MYO5B: variants seen among roughly 807,000 people sequenced by gnomAD.
MYO5B encodes unconventional myosin-Vb.
A neutral mutation model predicts 229.3 loss-of-function variants in MYO5B; 143 were observed. That is an observed-to-expected ratio of 0.62 (90% CI 0.54 to 0.72). MYO5B has a LOEUF of 0.72. Among genes scored for constraint, MYO5B ranks in the 30% least tolerant of loss-of-function variants. The pLI is 0.00. For missense variants in MYO5B, 2,321 were observed against 2,331.0 expected, an observed-to-expected ratio of 1.00 and a Z score of 0.09; for synonymous variants, 918 against 885.2, an observed-to-expected ratio of 1.04 and a Z score of -0.66.
At chr18:49,910,547 C>A in intron 18 of MYO5B, among the ~76,000 whole-genome samples, 1 of 151,730 alleles carries the variant, frequency 6.6e-6, no homozygotes, top group Non-Finnish European at 1.5e-5. Context: ...ATTAACCAGC[C>A]TGTTACCCCC....
At chr18:49,865,702 C>T (rs1422799109) in intron 27 of MYO5B, among the ~76,000 whole-genome samples, 1 of 152,172 alleles carries the variant, frequency 6.6e-6, no homozygotes, top group Non-Finnish European at 1.5e-5. Flanking sequence ...TGTGACAGGC[C>T]AGAACTGAGC....
rs1283958654 is a variant in MYO5B at position 49,853,566 on chromosome 18, CAGGGCCTCG to C, written c.4095_4103del (p.Glu1366_Leu1368del). On this transcript the variant is annotated inframe_deletion, in exon 31 of 40. Transcript: ENST00000285039. ...GCTGCTGTTTGTCCATCTCCTCCTT[CAGGGCCTCG>C]AGCTGAGCCTTGAGATGCTCCACCT... The C allele has an allele frequency of 6.2e-7, 1 of 1,614,196 alleles. No individual in the cohort carries two copies. Among genetic ancestry groups the C allele is most frequent in the Admixed American group, 1.7e-5 (1 of 60,038 alleles).
Position 49,902,499 on chromosome 18 carries a change from C to T in MYO5B, c.2811+95G>A, listed in dbSNP as rs1038677666. 5.5e-5 allele frequency: 86 copies of T among 1,556,132 alleles called. 1 individual carries two copies. The Middle Eastern group carries it at 6.8e-4, about 12-fold the overall frequency. Reference sequence around the variant, plus strand: ...GGACGTCTGTGCTCCCTCGGGTCTTCGGCATGTGCAGTTCCTCAAGGAAGC... The same window carrying T: ...GGACGTCTGTGCTCCCTCGGGTCTTTGGCATGTGCAGTTCCTCAAGGAAGC... On this transcript the variant is annotated intron_variant, in intron 21 of 39. Coordinates refer to ENST00000285039, the MANE Select transcript of MYO5B (RefSeq NM_001080467.3).
At chr18:49,977,736 C>A (rs977925296) in intron 9 of MYO5B, among the ~76,000 whole-genome samples, 3 of 152,160 alleles carry the variant, frequency 2.0e-5, no homozygotes, top group African/African-American at 7.2e-5. Flanking sequence ...CTTATTTTTT[C>A]CTCCCCTGTA....
At chr18:49,851,299 G>A (rs2024198044) in intron 31 of MYO5B, among the ~76,000 whole-genome samples, 1 of 152,100 alleles carries the variant, frequency 6.6e-6, no homozygotes, top group African/African-American at 2.4e-5. Context: ...CACTAACGGT[G>A]GCTTTGTGCT....
At chr18:49,894,881 G>T (rs910390156) in intron 22 of MYO5B, 60 bp downstream of exon 22, 2 of 1,438,780 alleles carry the variant, frequency 1.4e-6, no homozygotes, top group Non-Finnish European at 1.9e-6. Flanking sequence ...TCTCTGAGAG[G>T]TGGCTCCGTG....
intron 1 of MYO5B, among the ~76,000 whole-genome samples, chr18:50,112,864 A>G (rs898802761): frequency 3.3e-5 from 5 of 152,234 alleles, no homozygotes; most frequent in Non-Finnish European, 4.4e-5. Flanking sequence ...ACAGCAACGT[A>G]TTTTAAAAAA....
At chr18:50,080,568 G>A in intron 1 of MYO5B, among the ~76,000 whole-genome samples, 1 of 152,300 alleles carries the variant, frequency 6.6e-6, no homozygotes, top group Middle Eastern at 3.4e-3. Flanking sequence ...CATGCCACTT[G>A]TAGGCCATCC....
intron 8 of MYO5B, among the ~76,000 whole-genome samples, chr18:49,984,105 C>T (rs2025844720): frequency 6.6e-6 from 1 of 152,192 alleles, no homozygotes; most frequent in Admixed American, 6.5e-5. Context: ...GAAAGGCTTA[C>T]CTTCTACTTT....
intron 4 of MYO5B, among the ~76,000 whole-genome samples, chr18:50,005,140 C>G (rs2026087573): frequency 6.6e-6 from 1 of 152,150 alleles, no homozygotes; most frequent in South Asian, 2.1e-4. Flanking sequence ...GTATTTTTCC[C>G]ACTCAAAAAA....
At chr18:50,177,130 T>A (rs1411015910) in intron 1 of MYO5B, among the ~76,000 whole-genome samples, 3 of 150,240 alleles carry the variant, frequency 2.0e-5, no homozygotes, top group Non-Finnish European at 4.4e-5. Flanking sequence ...TAACCCTAAT[T>A]TCATGGAAAC....
intron 1 of MYO5B, among the ~76,000 whole-genome samples, chr18:50,139,833 G>A (rs2032390763): frequency 1.3e-5 from 2 of 152,068 alleles, no homozygotes. Flanking sequence ...AGCTCCAATA[G>A]CAAAAACTAC....
At chr18:49,976,752 G>A (rs1208598492) in intron 9 of MYO5B, among the ~76,000 whole-genome samples, 21 of 152,088 alleles carry the variant, frequency 1.4e-4, no homozygotes, top group Admixed American at 1.4e-3. Context: ...TCAGCAGAGA[G>A]TTTCCATGGC....
chr18:50,135,546 A>G (rs555535251), intron 1 of MYO5B, among the ~76,000 whole-genome samples: 1 of 152,368 alleles, frequency 6.6e-6, no homozygotes, highest in African/African-American at 2.4e-5. Flanking sequence ...GATTCCAAGG[A>G]TGTCCCAAAG....
At chr18:50,058,438 C>A (rs188585097) in intron 1 of MYO5B, among the ~76,000 whole-genome samples, 2 of 152,170 alleles carry the variant, frequency 1.3e-5, no homozygotes, top group African/African-American at 4.8e-5. Flanking sequence ...CCACTGCACT[C>A]CAGCCTGGAC....
chr18:50,163,434 T>A (rs926526333), intron 1 of MYO5B, among the ~76,000 whole-genome samples: 8 of 152,162 alleles, frequency 5.3e-5, no homozygotes, highest in Non-Finnish European at 7.4e-5. Flanking sequence ...TCATAAGCAA[T>A]GGCTTTTTAC....
At chr18:50,046,687 T>C (rs535078343) in intron 2 of MYO5B, among the ~76,000 whole-genome samples, 69 of 152,260 alleles carry the variant, frequency 4.5e-4, no homozygotes, top group African/African-American at 1.5e-3. Context: ...TTAACATGCA[T>C]TAAAAGGTTG....
At chr18:50,139,595 G>T (rs988818487) in intron 1 of MYO5B, among the ~76,000 whole-genome samples, 1 of 152,162 alleles carries the variant, frequency 6.6e-6, no homozygotes, top group African/African-American at 2.4e-5. Context: ...CAGTGGTTCT[G>T]GGGAGCCCTT....
At chr18:49,878,010 T>C in intron 24 of MYO5B, 128 bp from the exon 25 acceptor site, 1 of 1,134,190 alleles carries the variant, frequency 8.8e-7, no homozygotes. Context: ...TCATTGCTTC[T>C]TGGAATGATG....
Sources: gnomAD v4.1 joint callset for allele counts (sites outside exome capture counted in the v4.1 genomes callset) on GRCh38, gnomAD v4.1.1 for gene constraint, MANE v1.5 for transcripts, NCBI Gene and HGNC (gene_info 2026-07-23, HGNC 2026-07-21) for gene names.